The following NRG3 variants were observed in gnomAD, a reference collection of about 807,000 sequenced individuals.
NRG3 encodes the protein pro-neuregulin-3, membrane-bound isoform.
In NRG3, 31 loss-of-function variants were observed where a neutral mutation model predicts 66.9. The observed-to-expected ratio is 0.46, with a 90% CI of 0.35 to 0.63. The LOEUF (loss-of-function observed/expected upper bound fraction) is 0.63. Ranked by LOEUF, NRG3 falls within the 20% of genes least tolerant of loss-of-function variation. The pLI is 0.00. For synonymous variants in NRG3, 393 were observed against 359.4 expected (o/e 1.09, Z -1.06); for missense variants, 910 against 878.9 (o/e 1.04, Z -0.45).
At chr10:82,412,223 G>T (rs1481388273) in intron 2 of NRG3, among the ~76,000 whole-genome samples, 6 of 152,082 alleles carry the variant, frequency 3.9e-5, no homozygotes, top group Non-Finnish European at 8.8e-5. Flanking sequence ...TCAGTTGAAA[G>T]AATTATAATG....
chr10:82,074,466 G>T (rs1411576254), intron 1 of NRG3, among the ~76,000 whole-genome samples: 1 of 152,100 alleles, frequency 6.6e-6, no homozygotes, highest in Admixed American at 6.6e-5. Context: ...AATTTTGGTT[G>T]CTTTTTTGAA....
intron 1 of NRG3, chr10:82,340,631 G>A (rs1233801139): frequency 6.6e-6 from 1 of 152,156 alleles, no homozygotes; most frequent in Non-Finnish European, 1.5e-5. Context: ...AAGCCATGAT[G>A]GAATGAAAAG....
At chr10:82,331,037 A>G (rs2082113985) in intron 1 of NRG3, among the ~76,000 whole-genome samples, 1 of 152,188 alleles carries the variant, frequency 6.6e-6, no homozygotes, top group African/African-American at 2.4e-5. Flanking sequence ...AATCTTAGTC[A>G]TCTGTATTCT....
intron 1 of NRG3, among the ~76,000 whole-genome samples, chr10:81,930,264 A>G (rs764838204): frequency 1.3e-5 from 2 of 152,210 alleles, no homozygotes; most frequent in Non-Finnish European, 2.9e-5. Flanking sequence ...TATGGTCTCC[A>G]GCAAGATGGT....
At chr10:82,290,840 TCA>T (rs1377716585) in intron 1 of NRG3, among the ~76,000 whole-genome samples, 7 of 151,574 alleles carry the variant, frequency 4.6e-5, no homozygotes, top group Non-Finnish European at 8.8e-5. Context: ...AGACGGGGTT[TCA>T]CCATGTTAGC....
chr10:82,538,105 T>G (rs2043283138), intron 2 of NRG3, among the ~76,000 whole-genome samples: 1 of 152,178 alleles, frequency 6.6e-6, no homozygotes, highest in African/African-American at 2.4e-5. Context: ...TAGTGAACAG[T>G]CATTGAGAGG....
chr10:82,781,006 C>T (rs970642387), intron 3 of NRG3, among the ~76,000 whole-genome samples: 2 of 152,140 alleles, frequency 1.3e-5, no homozygotes, highest in Non-Finnish European at 2.9e-5. Flanking sequence ...GAGGAAGGGT[C>T]CTGCCTGAGC....
chr10:82,286,101 C>A (rs762962456), intron 1 of NRG3, among the ~76,000 whole-genome samples: 2 of 152,064 alleles, frequency 1.3e-5, no homozygotes, highest in African/African-American at 2.4e-5. Context: ...GTTTTTTATA[C>A]CTTTATGTCC....
intron 2 of NRG3, among the ~76,000 whole-genome samples, chr10:82,688,828 A>G (rs1192037830): frequency 6.6e-6 from 1 of 151,918 alleles, no homozygotes; most frequent in Non-Finnish European, 1.5e-5. Context: ...TGTAATTTCC[A>G]TACACATTTT....
At chr10:82,598,709 A>G (rs1439028903) in intron 2 of NRG3, among the ~76,000 whole-genome samples, 4 of 152,208 alleles carry the variant, frequency 2.6e-5, no homozygotes, top group South Asian at 4.1e-4. Context: ...GGTGACTTTG[A>G]TAAGAGCCCT....
chr10:81,927,441 T>G (rs528703492), intron 1 of NRG3, among the ~76,000 whole-genome samples: 1 of 152,324 alleles, frequency 6.6e-6, no homozygotes, highest in African/African-American at 2.4e-5. Context: ...GAATATTAAC[T>G]ATGTTGAGAT....
At chr10:82,442,261 A>T (rs1391865231) in intron 2 of NRG3, among the ~76,000 whole-genome samples, 1 of 152,212 alleles carries the variant, frequency 6.6e-6, no homozygotes, top group East Asian at 1.9e-4. Flanking sequence ...GTGAAACAAG[A>T]TTCCTAGTCC....
chr10:82,682,432 GAT>G (rs1554996017), intron 2 of NRG3, among the ~76,000 whole-genome samples: 1 of 149,732 alleles, frequency 6.7e-6, no homozygotes, highest in Non-Finnish European at 1.5e-5. Flanking sequence ...TAGATAGATA[GAT>G]AGATAATAGA....
At chr10:82,138,046 A>G (rs988362419) in intron 1 of NRG3, among the ~76,000 whole-genome samples, 2 of 152,226 alleles carry the variant, frequency 1.3e-5, no homozygotes, top group East Asian at 1.9e-4. Context: ...TTGTTTCTCA[A>G]AGTTCAATTT....
At chr10:82,862,621 C>T (rs1405859944) in intron 3 of NRG3, among the ~76,000 whole-genome samples, 2 of 152,140 alleles carry the variant, frequency 1.3e-5, no homozygotes, top group East Asian at 3.9e-4. Context: ...CTTTGAGCAG[C>T]CCACTCTGCC....
intron 2 of NRG3, among the ~76,000 whole-genome samples, chr10:82,711,280 C>A (rs955713785): frequency 6.6e-6 from 1 of 151,766 alleles, no homozygotes; most frequent in Non-Finnish European, 1.5e-5. Flanking sequence ...AGAGATGGAG[C>A]CCTGCCATGT....
At chr10:82,749,789 GAAAA>G (rs575504995) in intron 3 of NRG3, among the ~76,000 whole-genome samples, 1 of 119,208 alleles carries the variant, frequency 8.4e-6, no homozygotes. Flanking sequence ...AGGAAGCACT[GAAAA>G]AAAAAAAAAA....
chr10:82,191,519 C>T (rs2074141539), intron 1 of NRG3, among the ~76,000 whole-genome samples: 1 of 152,118 alleles, frequency 6.6e-6, no homozygotes, highest in African/African-American at 2.4e-5. Context: ...TCCAAATTCA[C>T]ATGATGATAA....
intron 1 of NRG3, among the ~76,000 whole-genome samples, chr10:82,054,905 CAGG>C (rs1382708356): frequency 6.6e-6 from 1 of 151,826 alleles, no homozygotes. Flanking sequence ...GAGGCTGAGG[CAGG>C]AGGATTGCTT....
Sources: gnomAD v4.1 joint callset for allele counts (sites outside exome capture counted in the v4.1 genomes callset) on GRCh38, gnomAD v4.1.1 for gene constraint, MANE v1.5 for transcripts, NCBI Gene and HGNC (gene_info 2026-07-23, HGNC 2026-07-21) for gene names.